ATRNL1: variants seen among roughly 807,000 people sequenced by gnomAD.
ATRNL1 encodes attractin-like protein 1.
In ATRNL1, 95 loss-of-function variants were observed where a neutral mutation model predicts 182.7. The observed-to-expected ratio is 0.52, with a 90% confidence interval of 0.44 to 0.62. The LOEUF (loss-of-function observed/expected upper bound fraction) is 0.62, where lower values mean the gene tolerates loss of function less well. Among genes scored for constraint, ATRNL1 ranks in the 20% least tolerant of loss-of-function variants. The pLI, the probability that ATRNL1 is intolerant of heterozygous loss-of-function variation, is 0.00. For missense variants in ATRNL1, 1,471 were observed against 1,679.5 expected (o/e 0.88, Z 2.17); for synonymous variants, 576 against 568.3 (o/e 1.01, Z -0.19).
intron 27 of ATRNL1, among the ~76,000 whole-genome samples, chr10:115,798,591 C>T (rs1555083558): frequency 6.6e-6 from 1 of 151,540 alleles, no homozygotes; most frequent in East Asian, 2.0e-4. Context: ...TGTCCTGTTA[C>T]AGACCATCAC....
chr10:115,100,119 C>T (rs12252344), intron 1 of ATRNL1, among the ~76,000 whole-genome samples: 1 of 152,012 alleles, frequency 6.6e-6, no homozygotes, highest in Non-Finnish European at 1.5e-5. Flanking sequence ...AGGCAAGACA[C>T]TGCCTATACA....
chr10:115,193,367 T>C (rs1848238521), intron 8 of ATRNL1, among the ~76,000 whole-genome samples: 1 of 152,036 alleles, frequency 6.6e-6, no homozygotes, highest in Non-Finnish European at 1.5e-5. Context: ...AGGCTTTTGT[T>C]TGATGGGAGA....
intron 24 of ATRNL1, among the ~76,000 whole-genome samples, chr10:115,490,920 A>G (rs1164848043): frequency 1.3e-5 from 2 of 152,026 alleles, no homozygotes; most frequent in African/African-American, 2.4e-5. Flanking sequence ...CTCTGAGTGG[A>G]CATCCTTTTT....
chr10:115,208,474 C>T (rs934512333), intron 8 of ATRNL1, among the ~76,000 whole-genome samples: 6 of 152,070 alleles, frequency 3.9e-5, no homozygotes, highest in African/African-American at 1.4e-4. Context: ...TGCTGACACA[C>T]AGTTAAATTG....
In ATRNL1 at chr10:115,215,686, T is replaced by C; in HGVS notation, c.1349-11T>C. The C allele has an allele frequency of 6.4e-7, 1 of 1,568,480 alleles. No homozygotes were observed. Among genetic ancestry groups the C allele is most frequent in the Non-Finnish European group, 8.6e-7 (1 of 1,163,826 alleles). Reference sequence around the variant, plus strand: ...ACTTGAAATTTATAATGTATTTTATTTCTGTTACAGCATCAAACACTTGGC... The same window carrying C: ...ACTTGAAATTTATAATGTATTTTATCTCTGTTACAGCATCAAACACTTGGC... On this transcript the variant is annotated splice_polypyrimidine_tract_variant and intron_variant, in intron 8 of 28. Coordinates refer to ENST00000355044, the MANE Select transcript of ATRNL1 (RefSeq NM_207303.4).
At chr10:115,937,908 A>C (rs953798548) in intron 28 of ATRNL1, among the ~76,000 whole-genome samples, 1 of 152,232 alleles carries the variant, frequency 6.6e-6, no homozygotes, top group Non-Finnish European at 1.5e-5. Flanking sequence ...CAGACTGTGC[A>C]ATTCACTACA....
chr10:115,852,813 G>A (rs183647536), intron 28 of ATRNL1, among the ~76,000 whole-genome samples: 36 of 152,296 alleles, frequency 2.4e-4, no homozygotes, highest in African/African-American at 7.0e-4. Flanking sequence ...TATCTTTGCC[G>A]GTGACTTCAG....
intron 26 of ATRNL1, among the ~76,000 whole-genome samples, chr10:115,668,263 TTTACCCCAGTG>T (rs1284148382): frequency 6.6e-6 from 1 of 152,138 alleles, no homozygotes; most frequent in Non-Finnish European, 1.5e-5. Flanking sequence ...CCTATGCCTG[TTTACCCCAGTG>T]GGGTAACTTC....
chr10:115,503,164 A>G (rs1576150), intron 24 of ATRNL1, among the ~76,000 whole-genome samples: 73,715 of 152,006 alleles, frequency 0.48, 18,347 homozygotes, highest in Middle Eastern at 0.54. Flanking sequence ...AAGGATACAC[A>G]TATGTAATAA....
intron 27 of ATRNL1, among the ~76,000 whole-genome samples, chr10:115,772,591 C>CTGTGTG (rs1491162323): frequency 1.5e-5 from 2 of 130,554 alleles, no homozygotes; most frequent in African/African-American, 5.9e-5. Context: ...AAAATATATA[C>CTGTGTG]TCTGTCTGTG....
intron 27 of ATRNL1, among the ~76,000 whole-genome samples, chr10:115,812,475 T>C (rs782528981): frequency 3.9e-5 from 6 of 152,168 alleles, no homozygotes; most frequent in Non-Finnish European, 7.3e-5. Context: ...TTTTACAAGC[T>C]ATTCTCTGCC....
At chr10:115,409,554 T>C (rs1359474451) in intron 20 of ATRNL1, among the ~76,000 whole-genome samples, 2 of 152,168 alleles carry the variant, frequency 1.3e-5, no homozygotes, top group Non-Finnish European at 2.9e-5. Context: ...TTGGATGCCT[T>C]TTATGTCTTT....
intron 28 of ATRNL1, among the ~76,000 whole-genome samples, chr10:115,920,634 A>G (rs1051221205): frequency 3.3e-5 from 5 of 152,234 alleles, no homozygotes; most frequent in Admixed American, 6.5e-5. Context: ...CCAAAAGTGC[A>G]TGGAATAGAT....
At chr10:115,620,804 ATATG>A (rs1380867461) in intron 26 of ATRNL1, among the ~76,000 whole-genome samples, 1 of 152,218 alleles carries the variant, frequency 6.6e-6, no homozygotes, top group Non-Finnish European at 1.5e-5. Context: ...ACATGAACAC[ATATG>A]TACACACAAA....
chr10:115,867,000 G>A (rs1477188381), intron 28 of ATRNL1, among the ~76,000 whole-genome samples: 1 of 152,076 alleles, frequency 6.6e-6, no homozygotes, highest in Non-Finnish European at 1.5e-5. Context: ...AGACTAATTG[G>A]TCCAATTGAT....
intron 24 of ATRNL1, among the ~76,000 whole-genome samples, chr10:115,477,273 A>C (rs1351092778): frequency 1.3e-5 from 2 of 151,610 alleles, no homozygotes; most frequent in Non-Finnish European, 3.0e-5. Flanking sequence ...TAACAAACAG[A>C]AGAAAATGTA....
At chr10:115,510,310 A>T (rs1850324966) in intron 24 of ATRNL1, among the ~76,000 whole-genome samples, 2 of 152,064 alleles carry the variant, frequency 1.3e-5, no homozygotes, top group African/African-American at 4.8e-5. Flanking sequence ...AATTTTTATG[A>T]AACAGCATTG....
intron 24 of ATRNL1, among the ~76,000 whole-genome samples, chr10:115,489,185 G>A (rs1554975887): frequency 6.6e-6 from 1 of 152,168 alleles, no homozygotes; most frequent in Non-Finnish European, 1.5e-5. Context: ...GTGGTGCTGA[G>A]AAGAATGTAT....
At chr10:115,761,127 C>A (rs1437318517) in intron 27 of ATRNL1, among the ~76,000 whole-genome samples, 1 of 151,718 alleles carries the variant, frequency 6.6e-6, no homozygotes, top group African/African-American at 2.4e-5. Context: ...AAAATCAAAT[C>A]ATGTAATCAA....
Sources: allele counts gnomAD v4.1 joint callset (sites outside exome capture counted in the v4.1 genomes callset), GRCh38; gene constraint gnomAD v4.1.1; transcripts MANE v1.5; gene names NCBI Gene and HGNC (gene_info 2026-07-23, HGNC 2026-07-21).